SZT2: variants seen among roughly 807,000 people sequenced by gnomAD.
The protein encoded by SZT2 is KICSTOR complex protein SZT2.
Under a neutral mutation model 404.2 loss-of-function variants are expected in SZT2, and 216 were observed. The ratio of observed to expected loss-of-function variants is 0.53; its 90% CI spans 0.48 to 0.60. The LOEUF (loss-of-function observed/expected upper bound fraction) is 0.60. Ranked by LOEUF, SZT2 falls within the 20% of genes least tolerant of loss-of-function variation. The pLI, the probability that SZT2 is intolerant of heterozygous loss-of-function variation, is 0.00. For missense variants in SZT2, 3,857 were observed against 4,459.2 expected (o/e 0.86, Z 3.85); for synonymous variants, 1,693 against 1,749.9 (o/e 0.97, Z 0.81).
chr1:43,416,198 GC>G, intron 6 of SZT2, 97 bp downstream of exon 6: 2 of 1,449,932 alleles, frequency 1.4e-6, no homozygotes, highest in South Asian at 1.3e-5. Context: ...GAATCAGTGG[GC>G]CCCAGGGAAG....
Position 43,431,854 on chromosome 1 carries a change from C to T in SZT2, c.5227C>T (p.Leu1743=), listed in dbSNP as rs1393613747. ...RSTCLRQTLP[L]SFVFGPERSL... ...CACCTGCCTTCGCCAAACTCTGCCA[C>T]TGAGTTTTGTATTTGGGCCAGAGCG... Residue 1743 remains leucine (L), a synonymous_variant, in exon 36 of 72, where the codon CTG becomes TTG. Transcript: ENST00000634258. 4 of 1,614,236 alleles carry T rather than the reference C, an allele frequency of 2.5e-6. No individual in the cohort carries two copies. The highest frequency in any genetic ancestry group is 3.4e-6 in the Non-Finnish European group (4 of 1,180,040).
intron 7 of SZT2, 26 bp from the exon 8 acceptor site, chr1:43,419,697 TGTCAGAGCTAG>T: frequency 6.5e-7 from 1 of 1,543,712 alleles, no homozygotes; most frequent in Non-Finnish European, 8.8e-7. Flanking sequence ...CCTATGCCTC[TGTCAGAGCTAG>T]GTCTTCAGTT....
rs1650049646 is a variant in SZT2 at position 43,404,419 on chromosome 1, C to T, written c.367C>T (p.His123Tyr). The T allele has an allele frequency of 6.2e-7, 1 of 1,613,930 alleles. No homozygotes were observed. The highest frequency in any genetic ancestry group is 8.5e-7 in the Non-Finnish European group (1 of 1,179,952). Reference sequence around the variant, plus strand: ...GGAGATCTTGTTTGATGAAGTTTTCCATGCCCTGTCCCGCTGCTTAGGCGG... The same window carrying T: ...GGAGATCTTGTTTGATGAAGTTTTCTATGCCCTGTCCCGCTGCTTAGGCGG... ...TGEILFDEVF[H>Y]ALSRCLGGLL... Residue 123 changes from histidine to tyrosine, a missense_variant, in exon 4 of 72, where the codon CAT (histidine) becomes TAT (tyrosine). This residue lies in a region of SZT2 where 536 missense variants were observed against 637.4 expected (regional missense o/e 0.84). Coordinates refer to ENST00000634258, the MANE Select transcript of SZT2 (RefSeq NM_001365999.1).
Position 43,389,901 on chromosome 1 carries a change from G to A in SZT2, c.-68G>A. 6.4e-7 allele frequency: 1 copy of A among 1,570,312 alleles called. No homozygotes were observed. Among genetic ancestry groups the A allele is most frequent in the Non-Finnish European group, 8.6e-7 (1 of 1,158,870 alleles). On this transcript the variant is annotated 5_prime_UTR_variant, in exon 1 of 72. Coordinates refer to ENST00000634258, the MANE Select transcript of SZT2 (RefSeq NM_001365999.1). Reference sequence around the variant, plus strand: ...ACTTCCGGTTCCTGCTGGGTGCCGAGGTAGCGAGGTCAGGGGTCAAGAGTG... The same window carrying A: ...ACTTCCGGTTCCTGCTGGGTGCCGAAGTAGCGAGGTCAGGGGTCAAGAGTG...
Position 43,390,011 on chromosome 1 carries a change from G to A in SZT2, c.27+16G>A. On this transcript the variant is annotated intron_variant, in intron 1 of 71. Transcript: ENST00000634258. ...GGAGCCGGAGGTGAGGGGCGGGCGGGCGCAGCACTGGGCCCCGAGATCCGA... is the reference window on the plus strand; with the variant it reads ...GGAGCCGGAGGTGAGGGGCGGGCGGACGCAGCACTGGGCCCCGAGATCCGA... 1 of 1,386,032 alleles carries A rather than the reference G, an allele frequency of 7.2e-7. No individual in the cohort carries two copies. The allele number at this position is 1,386,032 out of a possible 1,614,324, so 85.9% of individuals were successfully genotyped here.
Position 43,439,931 on chromosome 1 carries a change from A to G in SZT2, c.7093A>G (p.Ile2365Val), listed in dbSNP as rs1402440208. ...LRLDVWEKGN[I>V]SIVQLEEKLR... ...ATTGGATGTGTGGGAAAAGGGGAAC[A>G]TTAGTATTGTGCAGCTGGAGGAGAA... Residue 2365 changes from isoleucine (I) to valine (V), a missense_variant, in exon 51 of 72, where the codon ATT (isoleucine) becomes GTT (valine). This residue lies in a region of SZT2 where 573 missense variants were observed against 592.4 expected (regional missense o/e 0.97). Transcript: ENST00000634258. The surrounding 1 kb of genome is among the most constrained non-coding windows in gnomAD (Gnocchi z 4.2). 6 of 1,613,318 alleles carry G rather than the reference A, an allele frequency of 3.7e-6. No homozygotes were observed. Among genetic ancestry groups the G allele is most frequent in the Non-Finnish European group, 4.2e-6 (5 of 1,179,610 alleles).
intron 3 of SZT2, 48 bp from the exon 4 acceptor site, chr1:43,404,332 G>C: frequency 6.4e-7 from 1 of 1,558,330 alleles, no homozygotes; most frequent in Non-Finnish European, 8.7e-7. Flanking sequence ...CTGCCCTCTG[G>C]TTAGGGCTGC....
At chr1:43,414,297 C>CA (rs1291701329) in intron 4 of SZT2, among the ~76,000 whole-genome samples, 2 of 151,598 alleles carry the variant, frequency 1.3e-5, no homozygotes, top group Non-Finnish European at 2.9e-5. Flanking sequence ...AACAAACAAA[C>CA]AAAAAAAACT....
At position 43,427,284 on chromosome 1, in the gene SZT2, T is replaced by G. The variant is rs1402955735; in HGVS notation, c.3437T>G (p.Val1146Gly). Residue 1146 changes from valine (V) to glycine (G), a missense_variant, in exon 25 of 72, where the codon GTC becomes GGC. This residue lies in a region of SZT2 where 1,725 missense variants were observed against 1,881.0 expected (regional missense o/e 0.92). Transcript: ENST00000634258. ...LTFLPATFSD[V>G]QRLAACGLEG... ...ATTTATGTCTGATCCTCTTCAGATG[T>G]CCAGCGTCTGGCTGCCTGTGGCCTG... 1.2e-6 allele frequency: 2 copies of G among 1,608,722 alleles called. No homozygotes were observed. The highest frequency in any genetic ancestry group is 2.2e-5 in the South Asian group (2 of 90,360).
At chr1:43,415,546 G>A (rs1190813357) in intron 5 of SZT2, among the ~76,000 whole-genome samples, 1 of 152,180 alleles carries the variant, frequency 6.6e-6, no homozygotes, top group Non-Finnish European at 1.5e-5. Flanking sequence ...AGCTGCCTAG[G>A]CCCACTAGAC....
In SZT2 at chr1:43,397,002, C is replaced by G. The variant is rs547531875; in HGVS notation, c.28-6175C>G. Reference sequence around the variant, plus strand: ...GTGAAAAATTAGAAATTATTGGTAACAAATTAAGAATAGCTGGAAACAGAA... The same window carrying G: ...GTGAAAAATTAGAAATTATTGGTAAGAAATTAAGAATAGCTGGAAACAGAA... On this transcript the variant is annotated intron_variant, in intron 1 of 71. Coordinates refer to ENST00000634258, the MANE Select transcript of SZT2 (RefSeq NM_001365999.1). Among the ~76,000 whole-genome samples, 120 of 152,266 alleles carry G rather than the reference C, an allele frequency of 7.9e-4. 2 individuals carry two copies. In the South Asian group the frequency reaches 0.024, roughly 31 times the overall value.
Position 43,453,544 on chromosome 1 carries a change from C to CCGCGCCCCGG in SZT2, c.*3066_*3075dup. 1 of 1,523,264 alleles carries CCGCGCCCCGG rather than the reference C, an allele frequency of 6.6e-7. No homozygotes were observed. The highest frequency in any genetic ancestry group is 1.4e-5 in the African/African-American group (1 of 72,630). 94.4% of individuals were successfully genotyped at this position (1,523,264 alleles called of 1,614,324 possible). On this transcript the variant is annotated 3_prime_UTR_variant, in exon 72 of 72. Transcript: ENST00000634258. ...GCCCCCGGCTCGGACACTCCCCTGC[C>CCGCGCCCCGG]CGCGCCCCGGCACCCCCCAGCCCTC...
Position 43,422,856 on chromosome 1 carries a change from T to A in SZT2, c.2010T>A (p.Ile670=). 1 of 1,591,000 alleles carries A rather than the reference T, an allele frequency of 6.3e-7. No individual in the cohort carries two copies. The highest frequency in any genetic ancestry group is 8.5e-7 in the Non-Finnish European group (1 of 1,176,468). ...TGGTTCTTCGCCTGGGTTTTCCCAT[T>A]GGCACACCAGCACCGGCCCGGCACA... ...PCMVLRLGFP[I]GTPAPARHKI... The change falls in exon 14 of 72, where the codon ATT becomes ATA. Residue 670 remains isoleucine, a synonymous_variant. Coordinates refer to ENST00000634258, the MANE Select transcript of SZT2 (RefSeq NM_001365999.1).
Position 43,415,110 on chromosome 1 carries a change from C to G in SZT2, c.527C>G (p.Pro176Arg), listed in dbSNP as rs758767291. The change falls in exon 5 of 72, where the codon CCT becomes CGT. Residue 176 changes from proline to arginine, a missense_variant. Transcript: ENST00000634258. ...QVLVQGCLLD[P>R]SQREVFLQQI... ...CTGGTACAGGGCTGCCTCTTGGACC[C>G]TTCCCAGCGGGAGGTGTTCCTGCAG... is the stretch of plus-strand genomic sequence containing the variant. 6.3e-7 allele frequency: 1 copy of G among 1,597,944 alleles called. No homozygotes were observed. The highest frequency in any genetic ancestry group is 1.3e-5 in the African/African-American group (1 of 74,912).
At chr1:43,438,580 C>T (rs1442109164) in intron 46 of SZT2, 119 bp from the exon 47 acceptor site, 2 of 925,608 alleles carry the variant, frequency 2.2e-6, no homozygotes. Flanking sequence ...CCAGAGCCAG[C>T]ACTCCTAACA....
intron 3 of SZT2, chr1:43,404,084 C>T (rs910137654): frequency 5.8e-6 from 3 of 520,612 alleles, no homozygotes; most frequent in African/African-American, 3.8e-5. Flanking sequence ...CTGGCATGCA[C>T]CTGTCCTAGC....
chr1:43,426,820 A>AT lies in SZT2; in HGVS notation c.3309+13dup, dbSNP rs749640504. ...GCTTTTACTTCCCTGGTCAGCACCG[A>AT]TTCTTCTCCCTGAGCCCTTGTCACA... is the stretch of plus-strand genomic sequence containing the variant. On this transcript the variant is annotated intron_variant, in intron 23 of 71. Transcript: ENST00000634258. This position sits in a 1 kb window ranked among gnomAD's most constrained non-coding sequence, Gnocchi z 4.9. 2 of 1,612,514 alleles carry AT rather than the reference A, an allele frequency of 1.2e-6. No homozygotes were observed. The highest frequency in any genetic ancestry group is 1.7e-6 in the Non-Finnish European group (2 of 1,179,108).
chr1:43,416,226 T>C, intron 6 of SZT2, 125 bp downstream of exon 6: 1 of 1,292,930 alleles, frequency 7.7e-7, no homozygotes, highest in Non-Finnish European at 1.0e-6. Context: ...TGTTTCCTTG[T>C]TTGCAAAATG....
Position 43,438,817 on chromosome 1 carries a change from G to A in SZT2, c.6627G>A (p.Glu2209=). The change falls in exon 47 of 72, where the codon GAG becomes GAA. Residue 2209 remains glutamate (E), a splice_region_variant and synonymous_variant. Transcript: ENST00000634258. Reference sequence around the variant, plus strand: ...GCAAGCTGACACCAGCTGATGTGGAGGTCAGCTCCCCTCTAGGCACCAGCA... The same window carrying A: ...GCAAGCTGACACCAGCTGATGTGGAAGTCAGCTCCCCTCTAGGCACCAGCA... The part of the protein sequence containing the change: ...RNCKLTPADV[E]FIQPPGSLPS... 2 of 1,612,896 alleles carry A rather than the reference G, an allele frequency of 1.2e-6. No homozygotes were observed. Among genetic ancestry groups the A allele is most frequent in the Non-Finnish European group, 1.7e-6 (2 of 1,179,122 alleles).
Sources: gnomAD v4.1 joint callset for allele counts (sites outside exome capture counted in the v4.1 genomes callset) on GRCh38, gnomAD v4.1.1 for gene constraint, gnomAD v4.1.1 regional missense constraint, Gnocchi (gnomAD v3.1) non-coding constraint, MANE v1.5 for transcripts, NCBI Gene and HGNC (gene_info 2026-07-23, HGNC 2026-07-21) for gene names.